The following NEBL variants were observed in gnomAD, a reference collection of about 807,000 sequenced individuals.
The protein encoded by NEBL is LIM and SH3 protein 2.
Under a neutral mutation model 140.2 loss-of-function variants are expected in NEBL, and 122 were observed. That is an observed-to-expected ratio of 0.87 (90% CI 0.75 to 1.01). The LOEUF is 1.01. Ranked by LOEUF, NEBL falls within the 50% of genes least tolerant of loss-of-function variation. NEBL has a pLI of 0.00. For synonymous variants in NEBL, 436 were observed against 398.9 expected (o/e 1.09, Z -1.11); for missense variants, 1,365 against 1,231.3 (o/e 1.11, Z -1.62).
At chr10:21,022,994 C>A (rs1452853425) in intron 2 of NEBL, among the ~76,000 whole-genome samples, 1 of 152,152 alleles carries the variant, frequency 6.6e-6, no homozygotes, top group Non-Finnish European at 1.5e-5. Flanking sequence ...GAACTATGTT[C>A]CAGACAATAG....
intron 1 of NEBL, among the ~76,000 whole-genome samples, chr10:21,265,627 C>T (rs1293308913): frequency 6.6e-6 from 1 of 152,136 alleles, no homozygotes; most frequent in African/African-American, 2.4e-5. Flanking sequence ...GCCAATAGTG[C>T]GTTATCAAAG....
intron 9 of NEBL, 85 bp from the exon 10 acceptor site, chr10:20,852,734 C>A (rs1050815234): frequency 1.7e-6 from 2 of 1,161,048 alleles, no homozygotes; most frequent in African/African-American, 1.5e-5. Flanking sequence ...CTGCACATTA[C>A]AAGCCACCAA....
chr10:20,850,972 GA>G (rs1331265221), intron 10 of NEBL, among the ~76,000 whole-genome samples: 2 of 152,132 alleles, frequency 1.3e-5, no homozygotes, highest in Non-Finnish European at 2.9e-5. Flanking sequence ...CAGGGATGCT[GA>G]ATTTTTTCAT....
chr10:20,953,097 G>T (rs540543039), intron 4 of NEBL, among the ~76,000 whole-genome samples: 13 of 152,130 alleles, frequency 8.5e-5, no homozygotes, highest in African/African-American at 2.9e-4. Flanking sequence ...TCCCCATTCA[G>T]CCCTGGTATG....
At chr10:20,881,395 T>C (rs1239280279) in intron 4 of NEBL, among the ~76,000 whole-genome samples, 1 of 152,190 alleles carries the variant, frequency 6.6e-6, no homozygotes, top group Non-Finnish European at 1.5e-5. Context: ...GGCAAAATTC[T>C]CAGATATGTC....
intron 16 of NEBL, among the ~76,000 whole-genome samples, chr10:20,829,659 G>GT (rs1840218132): frequency 6.6e-6 from 1 of 151,800 alleles, no homozygotes. Flanking sequence ...TTACACCCTC[G>GT]TAAGTATCCC....
At chr10:21,030,229 G>A in intron 2 of NEBL, 1 of 537,184 alleles carries the variant, frequency 1.9e-6, no homozygotes, top group Non-Finnish European at 3.4e-6. Flanking sequence ...ACCCAAGCTG[G>A]CGAAGTGAAG....
intron 7 of NEBL, among the ~76,000 whole-genome samples, chr10:20,860,566 AG>A (rs757582449): frequency 0.021 from 2,807 of 131,132 alleles, 323 homozygotes; most frequent in African/African-American, 0.088. Context: ...CACTACAAAA[AG>A]AAAAAAAAAA....
intron 26 of NEBL, among the ~76,000 whole-genome samples, chr10:20,791,703 T>C (rs1223035271): frequency 6.6e-6 from 1 of 152,088 alleles, no homozygotes; most frequent in Non-Finnish European, 1.5e-5. Flanking sequence ...TAAGAACATG[T>C]TAAGAGGCTC....
At position 20,785,833 on chromosome 10, in the gene NEBL, T is replaced by C. The variant is rs746298728; in HGVS notation, c.2959A>G (p.Ile987Val). 14 of 1,613,858 alleles carry C rather than the reference T, an allele frequency of 8.7e-6. No homozygotes were observed. The highest frequency in any genetic ancestry group is 5.0e-5 in the Admixed American group (3 of 59,988). Residue 987 changes from isoleucine to valine, a missense_variant, in exon 28 of 28, where the codon ATT becomes GTT. Transcript: ENST00000377122. ...GTGCCGTACATCCAGCCATCGTCAA[T>C]AGGCTGCACGTTGACGATGTAGTCG... is the stretch of plus-strand genomic sequence containing the variant. ...DGDYIVNVQP[I>V]DDGWMYGTVQ... is the part of the protein sequence containing the mutation.
intron 2 of NEBL, among the ~76,000 whole-genome samples, chr10:21,061,358 T>TGTAACATGTTACATATTATGTG (rs1554822046): frequency 6.8e-6 from 1 of 148,060 alleles, no homozygotes; most frequent in African/African-American, 2.5e-5. Flanking sequence ...TTACATAATA[T>TGTAACATGTTACATATTATGTG]ATGGGTCAGA....
At chr10:21,268,264 TTCAAGACCAGCCTGCACAA>T (rs1255364709) in intron 1 of NEBL, among the ~76,000 whole-genome samples, 6 of 151,310 alleles carry the variant, frequency 4.0e-5, no homozygotes, top group Middle Eastern at 3.4e-3. Context: ...AGGACAGGAG[TTCAAGACCAGCCTGCACAA>T]TAAAGCAAGA....
At chr10:21,273,925 G>A (rs72793033) in intron 1 of NEBL, among the ~76,000 whole-genome samples, 20 of 152,220 alleles carry the variant, frequency 1.3e-4, no homozygotes, top group South Asian at 4.1e-4. Flanking sequence ...CTCTGCCCAC[G>A]CTAGCTCTGC....
chr10:21,111,201 G>T (rs1218930699), intron 2 of NEBL, among the ~76,000 whole-genome samples: 1 of 152,054 alleles, frequency 6.6e-6, no homozygotes, highest in Non-Finnish European at 1.5e-5. Flanking sequence ...GCTATCCCCA[G>T]CAAGCTATCA....
chr10:20,867,352 T>C (rs1016133234), intron 7 of NEBL, among the ~76,000 whole-genome samples: 3 of 152,170 alleles, frequency 2.0e-5, no homozygotes, highest in African/African-American at 4.8e-5. Flanking sequence ...TCAGACTTCA[T>C]ACCTTTCATC....
intron 4 of NEBL, among the ~76,000 whole-genome samples, chr10:20,918,090 G>C (rs1395303505): frequency 6.6e-6 from 1 of 152,142 alleles, no homozygotes; most frequent in Non-Finnish European, 1.5e-5. Context: ...CAGGTGCAGT[G>C]ACTCATGCCT....
At chr10:21,027,352 G>A (rs569864928) in intron 2 of NEBL, among the ~76,000 whole-genome samples, 6 of 147,598 alleles carry the variant, frequency 4.1e-5, no homozygotes, top group African/African-American at 1.5e-4. Context: ...TTTTCAGATA[G>A]AGTCTCACTC....
At position 21,211,991 on chromosome 10, in the gene NEBL, T is replaced by TTC. The variant is rs1229305829; in HGVS notation, n.348+35928_348+35929dup. Among the ~76,000 whole-genome samples the TTC allele has an allele frequency of 2.6e-5, 4 of 151,278 alleles. No individual in the cohort carries two copies. The East Asian group carries it at 5.9e-4, about 22-fold the overall frequency. ...CATTTCAGGGTTTTAAATCACTCAATTCTCTCTCTCTCTTCAGATATATAT... is the reference window on the plus strand; with the variant it reads ...CATTTCAGGGTTTTAAATCACTCAATTCTCTCTCTCTCTCTTCAGATATATAT... On this transcript the variant is annotated intron_variant and non_coding_transcript_variant, in intron 3 of 8. Coordinates refer to the NEBL transcript ENST00000675702.
intron 2 of NEBL, among the ~76,000 whole-genome samples, chr10:21,116,810 C>T (rs978915727): frequency 1.3e-5 from 2 of 152,118 alleles, no homozygotes; most frequent in African/African-American, 4.8e-5. Flanking sequence ...GCTGGGACTA[C>T]AGGTGTGCCG....
Sources: allele counts gnomAD v4.1 joint callset (sites outside exome capture counted in the v4.1 genomes callset), GRCh38; gene constraint gnomAD v4.1.1; transcripts MANE v1.5; gene names NCBI Gene and HGNC (gene_info 2026-07-23, HGNC 2026-07-21).